The following SYN3 variants were observed in gnomAD, a reference collection of about 807,000 sequenced individuals.
SYN3 encodes synapsin-3.
A neutral mutation model predicts 65.8 loss-of-function variants in SYN3; 35 were observed. The ratio of observed to expected loss-of-function variants is 0.53; its 90% CI spans 0.41 to 0.70. The LOEUF is 0.70. Among genes scored for constraint, SYN3 ranks in the 30% least tolerant of loss-of-function variants. SYN3 has a pLI of 0.00. For synonymous variants in SYN3, 270 were observed against 292.9 expected (o/e 0.92, Z 0.80); for missense variants, 680 against 749.0 (o/e 0.91, Z 1.08).
At chr22:32,881,012 G>A (rs4448) in intron 4 of SYN3, among the ~76,000 whole-genome samples, 85,330 of 152,130 alleles carry the variant, frequency 0.56, 24,676 homozygotes, top group African/African-American at 0.63. Context: ...CCTCACCCAC[G>A]TGGTGGCCTG....
At chr22:32,828,196 G>T (rs1227085786) in intron 6 of SYN3, among the ~76,000 whole-genome samples, 1 of 152,234 alleles carries the variant, frequency 6.6e-6, no homozygotes, top group Admixed American at 6.5e-5. Flanking sequence ...CAAGTGAAGT[G>T]TCTTGCCCTG....
intron 4 of SYN3, among the ~76,000 whole-genome samples, chr22:32,871,233 C>T (rs191952934): frequency 1.1e-4 from 16 of 152,302 alleles, no homozygotes; most frequent in Admixed American, 3.3e-4. Flanking sequence ...CCAAACCTGG[C>T]TATCTAAAAA....
intron 1 of SYN3, among the ~76,000 whole-genome samples, chr22:33,036,420 T>C (rs1191013596): frequency 1.3e-5 from 2 of 152,126 alleles, no homozygotes; most frequent in African/African-American, 2.4e-5. Context: ...CTCCCTGTGT[T>C]TGCCTAAAAG....
At chr22:32,534,203 G>T (rs995956602) in intron 9 of SYN3, among the ~76,000 whole-genome samples, 6 of 152,174 alleles carry the variant, frequency 3.9e-5, no homozygotes, top group African/African-American at 1.4e-4. Flanking sequence ...GAAGGAACCA[G>T]AGTTGGGAGA....
chr22:32,942,676 G>A (rs576963196), intron 3 of SYN3, among the ~76,000 whole-genome samples: 168 of 152,260 alleles, frequency 1.1e-3, no homozygotes, highest in Middle Eastern at 6.8e-3. Flanking sequence ...CAAACCCATC[G>A]CAAAGAAGCT....
intron 2 of SYN3, among the ~76,000 whole-genome samples, chr22:32,990,301 AATCC>A (rs113493698): frequency 0.044 from 6,086 of 139,222 alleles, 245 homozygotes; most frequent in African/African-American, 0.12. Context: ...TCCATCCATG[AATCC>A]ATCCATCCAT....
chr22:32,701,348 C>T (rs1288952059), intron 6 of SYN3, among the ~76,000 whole-genome samples: 3 of 152,104 alleles, frequency 2.0e-5, no homozygotes, highest in Non-Finnish European at 4.4e-5. Context: ...ACAAAATCCA[C>T]CACCTAAGAA....
chr22:32,724,381 T>C (rs1307505015), intron 6 of SYN3, among the ~76,000 whole-genome samples: 6 of 152,138 alleles, frequency 3.9e-5, no homozygotes, highest in Non-Finnish European at 8.8e-5. Context: ...AGGGTAATTT[T>C]GTAAGAGCAT....
At chr22:32,927,524 A>G (rs2050508531) in intron 4 of SYN3, among the ~76,000 whole-genome samples, 1 of 152,100 alleles carries the variant, frequency 6.6e-6, no homozygotes, top group Non-Finnish European at 1.5e-5. Context: ...GCTGGGATTT[A>G]CAGGCGTGAG....
At chr22:32,757,095 G>T (rs1158033695) in intron 6 of SYN3, among the ~76,000 whole-genome samples, 1 of 150,678 alleles carries the variant, frequency 6.6e-6, no homozygotes, top group Non-Finnish European at 1.5e-5. Context: ...AATATTGAAA[G>T]TGCTTCCTGC....
At chr22:32,920,081 G>A (rs1569327328) in intron 4 of SYN3, among the ~76,000 whole-genome samples, 2 of 152,176 alleles carry the variant, frequency 1.3e-5, no homozygotes, top group African/African-American at 2.4e-5. Context: ...CATTACTGAT[G>A]CTTCCTGGCT....
At chr22:32,912,482 G>T (rs190059505) in intron 4 of SYN3, among the ~76,000 whole-genome samples, 3 of 152,232 alleles carry the variant, frequency 2.0e-5, no homozygotes, top group African/African-American at 7.2e-5. Context: ...TTGAGAGGTC[G>T]AGGTGGGAGG....
At chr22:32,980,805 C>A in intron 2 of SYN3, 103 bp from the exon 3 acceptor site, 1 of 951,068 alleles carries the variant, frequency 1.1e-6, no homozygotes, top group Non-Finnish European at 1.7e-6. Flanking sequence ...GAGACACATC[C>A]TCAGCCATCC....
At chr22:32,675,778 T>C (rs1025277988) in intron 6 of SYN3, among the ~76,000 whole-genome samples, 3 of 151,692 alleles carry the variant, frequency 2.0e-5, no homozygotes, top group Non-Finnish European at 4.4e-5. Flanking sequence ...GCAAACTTGA[T>C]GAAAGTCTCC....
intron 7 of SYN3, among the ~76,000 whole-genome samples, chr22:32,579,354 A>G (rs1275172678): frequency 6.6e-6 from 1 of 152,194 alleles, no homozygotes; most frequent in Non-Finnish European, 1.5e-5. Flanking sequence ...TGGGAAGTCC[A>G]AGATCTAGGT....
chr22:32,884,609 G>A (rs1214030512), intron 4 of SYN3, among the ~76,000 whole-genome samples: 1 of 152,194 alleles, frequency 6.6e-6, no homozygotes, highest in Non-Finnish European at 1.5e-5. Context: ...GCCGGGTGCG[G>A]TGGCTCACTC....
chr22:32,668,730 T>G (rs926210027), intron 6 of SYN3, among the ~76,000 whole-genome samples: 9 of 152,302 alleles, frequency 5.9e-5, no homozygotes, highest in African/African-American at 2.2e-4. Flanking sequence ...TGAGTCTATC[T>G]GGGGATGAGG....
At position 32,511,657 on chromosome 22, in the gene SYN3, C is replaced by G. The variant is rs2057692845; in HGVS notation, c.*2035G>C. Among the ~76,000 whole-genome samples the G allele has an allele frequency of 6.6e-6, 1 of 152,232 alleles. No homozygotes were observed. Among genetic ancestry groups the G allele is most frequent in the African/African-American group, 2.4e-5 (1 of 41,462 alleles). On this transcript the variant is annotated 3_prime_UTR_variant, in exon 14 of 14. Transcript: ENST00000358763. ...GTACCAGGCCTTCACCTCTTCACCT[C>G]TCACCTCACACAATGGCTATTTTAT...
chr22:32,605,707 A>G (rs1601743653), intron 6 of SYN3, among the ~76,000 whole-genome samples: 2 of 152,324 alleles, frequency 1.3e-5, no homozygotes, highest in East Asian at 3.9e-4. Context: ...CCTCTGGACA[A>G]CTATGATCAT....
Sources: gnomAD v4.1 joint callset for allele counts (sites outside exome capture counted in the v4.1 genomes callset) on GRCh38, gnomAD v4.1.1 for gene constraint, MANE v1.5 for transcripts, NCBI Gene and HGNC (gene_info 2026-07-23, HGNC 2026-07-21) for gene names.